The following DMD variants were observed in gnomAD, a reference collection of about 807,000 sequenced individuals.
The protein encoded by DMD is mutant dystrophin.
DMD carries 63 observed loss-of-function variants against 330.1 expected under a neutral mutation model. The ratio of observed to expected loss-of-function variants is 0.19; its 90% CI spans 0.16 to 0.24. DMD has a LOEUF of 0.24. Ranked by LOEUF, DMD falls within the 10% of genes least tolerant of loss-of-function variation. The pLI, the probability that DMD is intolerant of heterozygous loss-of-function variation, is 1.00. For synonymous variants in DMD, 1,223 were observed against 959.8 expected, an observed-to-expected ratio of 1.27 and a Z score of -5.07; for missense variants, 3,344 against 2,684.1, an observed-to-expected ratio of 1.25 and a Z score of -5.43.
intron 7 of DMD, among the ~76,000 whole-genome samples, chrX:32,779,136 T>G (rs2074456661): frequency 9.0e-6 from 1 of 111,534 alleles, no homozygotes; most frequent in Admixed American, 9.6e-5. Flanking sequence ...AGCTAATTGT[T>G]CATGTATGAA....
At chrX:31,194,293 A>G (rs781137634) in intron 67 of DMD, among the ~76,000 whole-genome samples, 1 of 112,437 alleles carries the variant, frequency 8.9e-6, no homozygotes, top group East Asian at 2.8e-4. Context: ...TGCTGGAAGA[A>G]AACAGTGGCT....
chrX:31,455,200 G>C (rs1019025851), intron 59 of DMD, among the ~76,000 whole-genome samples: 11 of 109,765 alleles, frequency 1.0e-4, no homozygotes, highest in Non-Finnish European at 1.9e-4. Flanking sequence ...ATCTCAGTTA[G>C]ATGTGACTTT....
At chrX:32,869,898 C>A (rs902579867) in intron 2 of DMD, among the ~76,000 whole-genome samples, 1 of 107,972 alleles carries the variant, frequency 9.3e-6, no homozygotes, top group African/African-American at 3.4e-5. Context: ...CCCTTGAAAA[C>A]CAGCACAAGA....
In DMD at chrX:32,454,059, C is replaced by A. The variant is rs181078465; in HGVS notation, c.3603+603G>T. Among the ~76,000 whole-genome samples, 11 of 110,345 alleles carry A rather than the reference C, an allele frequency of 1.0e-4. No homozygotes were observed. In the East Asian group the frequency reaches 3.2e-3, roughly 32 times the overall value. On this transcript the variant is annotated intron_variant, in intron 26 of 78. Transcript: ENST00000357033. The stretch of plus-strand genomic sequence containing the variant: ...TGACTATTATATTGTTGCCCAAGGC[C>A]ATACGAAATGCCACTATGTAGGTTC...
chrX:32,118,637 A>G (rs1375395001), intron 44 of DMD, among the ~76,000 whole-genome samples: 1 of 111,005 alleles, frequency 9.0e-6, no homozygotes, highest in Non-Finnish European at 1.9e-5. Flanking sequence ...GGGCACAGCA[A>G]TCAGTATTTT....
At chrX:31,330,422 AT>A (rs1444706379) in intron 61 of DMD, among the ~76,000 whole-genome samples, 13 of 111,793 alleles carry the variant, frequency 1.2e-4, no homozygotes, top group South Asian at 3.7e-4. Flanking sequence ...GAAGAAGAAG[AT>A]GTATTTGATC....
chrX:33,332,517 G>T (rs2054194914), intron 1 of DMD, among the ~76,000 whole-genome samples: 1 of 111,165 alleles, frequency 9.0e-6, no homozygotes, highest in African/African-American at 3.3e-5. Flanking sequence ...TACTAAGACG[G>T]CCATCTCCTC....
At chrX:33,250,157 G>A (rs1031927851) in intron 1 of DMD, among the ~76,000 whole-genome samples, 2 of 99,862 alleles carry the variant, frequency 2.0e-5, no homozygotes, top group South Asian at 4.6e-4. Flanking sequence ...GTGTGTATTA[G>A]AACAGTGGTC....
chrX:32,485,901 G>A (rs1445806350), intron 20 of DMD, among the ~76,000 whole-genome samples: 1 of 108,060 alleles, frequency 9.3e-6, no homozygotes, highest in Non-Finnish European at 1.9e-5. Flanking sequence ...CCGCTACCGT[G>A]TCCAGCAAAT....
intron 2 of DMD, among the ~76,000 whole-genome samples, chrX:32,872,159 G>A (rs1486412797): frequency 9.0e-6 from 1 of 111,353 alleles, no homozygotes; most frequent in Non-Finnish European, 1.9e-5. Flanking sequence ...TGTCATCCCC[G>A]ATTTCTGGAT....
At chrX:32,977,931 A>G (rs2092600362) in intron 2 of DMD, among the ~76,000 whole-genome samples, 1 of 111,899 alleles carries the variant, frequency 8.9e-6, no homozygotes. Flanking sequence ...AGCCAGGAAA[A>G]ACATAGAATT....
At chrX:32,389,708 T>C in intron 31 of DMD, 34 bp from the exon 32 acceptor site, 1 of 1,173,153 alleles carries the variant, frequency 8.5e-7, no homozygotes, top group East Asian at 3.0e-5. Context: ...ACTGATTTAA[T>C]TTTGCCTTTC....
chrX:32,311,913 GTTC>G lies in DMD; in HGVS notation c.5923-1640_5923-1638del, dbSNP rs2097563979. On this transcript the variant is annotated intron_variant, in intron 41 of 78. Transcript: ENST00000357033. ...TACATTGGTTGGTGACCATTATGTT[GTTC>G]TTAATAAAATTTACAAGTTAATAAG... 4.5e-5 allele frequency among the ~76,000 whole-genome samples: 5 copies of G among 111,622 alleles called. 1 individual carries two copies. In the South Asian group the frequency reaches 1.8e-3, roughly 41 times the overall value.
chrX:31,947,080 G>T (rs982695660), intron 45 of DMD, among the ~76,000 whole-genome samples: 1 of 111,653 alleles, frequency 9.0e-6, no homozygotes, highest in African/African-American at 3.3e-5. Context: ...TCAAGCACAA[G>T]TAGCTAAACC....
intron 44 of DMD, among the ~76,000 whole-genome samples, chrX:32,087,627 T>C (rs2096448909): frequency 1.8e-5 from 2 of 112,208 alleles, no homozygotes; most frequent in South Asian, 7.4e-4. Context: ...TGATGACTGG[T>C]TCTAGACTAA....
intron 44 of DMD, among the ~76,000 whole-genome samples, chrX:32,016,414 C>T (rs1313343804): frequency 1.8e-5 from 2 of 111,580 alleles, no homozygotes; most frequent in Admixed American, 9.5e-5. Context: ...AGTGCATTTC[C>T]GTCATGGTAC....
chrX:32,318,302 T>C (rs977350170), intron 41 of DMD, among the ~76,000 whole-genome samples: 3 of 111,365 alleles, frequency 2.7e-5, no homozygotes, highest in East Asian at 2.8e-4. Context: ...GGCAAAAATA[T>C]TGTATTGGTC....
At chrX:32,024,025 A>T (rs1307958575) in intron 44 of DMD, among the ~76,000 whole-genome samples, 1 of 111,189 alleles carries the variant, frequency 9.0e-6, no homozygotes, top group Non-Finnish European at 1.9e-5. Context: ...CATATAGCAA[A>T]CCTCATCATC....
intron 42 of DMD, among the ~76,000 whole-genome samples, chrX:32,308,617 T>C (rs1327503406): frequency 9.0e-6 from 1 of 110,917 alleles, no homozygotes; most frequent in South Asian, 3.7e-4. Flanking sequence ...TAATACCATA[T>C]TATAAACCGC....
Sources: gnomAD v4.1 joint callset for allele counts (sites outside exome capture counted in the v4.1 genomes callset) on GRCh38, gnomAD v4.1.1 for gene constraint, MANE v1.5 for transcripts, NCBI Gene and HGNC (gene_info 2026-07-23, HGNC 2026-07-21) for gene names.